The following RANBP2 variants were observed in gnomAD, a reference collection of about 807,000 sequenced individuals.
The protein encoded by RANBP2 is E3 SUMO-protein ligase RanBP2.
Under a neutral mutation model 303.6 loss-of-function variants are expected in RANBP2, and 57 were observed. The ratio of observed to expected loss-of-function variants is 0.19; its 90% CI spans 0.15 to 0.23. The LOEUF (loss-of-function observed/expected upper bound fraction) is 0.23. Among genes scored for constraint, RANBP2 ranks in the 10% least tolerant of loss-of-function variants. The probability of loss-of-function intolerance (pLI) is 1.00; values close to 1 mark genes in which losing one functional copy is unlikely to be tolerated. For missense variants in RANBP2, 3,138 were observed against 3,780.8 expected, an observed-to-expected ratio of 0.83 and a Z score of 4.46; for synonymous variants, 1,167 against 1,301.5, an observed-to-expected ratio of 0.90 and a Z score of 2.23.
the RANBP2 span, among the ~76,000 whole-genome samples, chr2:109,429,529 C>A: frequency 6.6e-6 from 1 of 152,150 alleles, no homozygotes; most frequent in South Asian, 2.1e-4. Flanking sequence ...ACGCGTTGGC[C>A]ACACCGGGCC....
the RANBP2 span, among the ~76,000 whole-genome samples, chr2:108,960,517 A>C: frequency 6.6e-6 from 1 of 152,304 alleles, no homozygotes; most frequent in African/African-American, 2.4e-5. Context: ...GGCAGGGTGC[A>C]CACCTGTCTC....
chr2:109,198,474 G>A, the RANBP2 span, among the ~76,000 whole-genome samples: 1 of 152,212 alleles, frequency 6.6e-6, no homozygotes, highest in Non-Finnish European at 1.5e-5. Flanking sequence ...ATAGCTGTCT[G>A]AGTTTCTCAG....
the RANBP2 span, among the ~76,000 whole-genome samples, chr2:108,952,172 G>A: frequency 6.6e-6 from 1 of 152,200 alleles, no homozygotes; most frequent in Non-Finnish European, 1.5e-5. Flanking sequence ...CTGAAAGAGG[G>A]GAGAGAATTT....
the RANBP2 span, among the ~76,000 whole-genome samples, chr2:109,580,112 G>C: frequency 6.6e-6 from 1 of 151,692 alleles, no homozygotes; most frequent in African/African-American, 2.4e-5. Flanking sequence ...CAAGAGTGAA[G>C]TTCCATCTTA....
chr2:109,346,240 G>A, the RANBP2 span, among the ~76,000 whole-genome samples: 1 of 152,068 alleles, frequency 6.6e-6, no homozygotes, highest in Non-Finnish European at 1.5e-5. Context: ...CTGTTTAATT[G>A]GTTAGTGGTG....
chr2:109,282,629 G>A, the RANBP2 span, among the ~76,000 whole-genome samples: 1,956 of 152,332 alleles, frequency 0.013, 23 homozygotes, highest in Middle Eastern at 0.034. Context: ...TCTCGCCTCC[G>A]TGGTGGGAGA....
In RANBP2 at chr2:108,782,788, C is replaced by T. The variant is rs1337047814; in HGVS notation, c.9295C>T (p.Leu3099=). ...VPRTAENFRA[L]CTGEKGFGFK... is the part of the protein sequence containing the mutation. Reference sequence around the variant, plus strand: ...TCGGACTGCTGAGAACTTCAGAGCACTATGCACTGGAGAGAAAGGCTTTGG... The same window carrying T: ...TCGGACTGCTGAGAACTTCAGAGCATTATGCACTGGAGAGAAAGGCTTTGG... Residue 3099 remains leucine (L), a synonymous_variant, in exon 28 of 29, where the codon CTA becomes TTA. Coordinates refer to ENST00000283195, the MANE Select transcript of RANBP2 (RefSeq NM_006267.5). The T allele has an allele frequency of 6.2e-7, 1 of 1,614,152 alleles. No individual in the cohort carries two copies. Among genetic ancestry groups the T allele is most frequent in the South Asian group, 1.1e-5 (1 of 91,088 alleles).
chr2:109,080,153 C>T, the RANBP2 span, among the ~76,000 whole-genome samples: 38 of 152,210 alleles, frequency 2.5e-4, no homozygotes, highest in African/African-American at 9.2e-4. Flanking sequence ...CTTGGCAAAA[C>T]GCAGCAAGAT....
the RANBP2 span, among the ~76,000 whole-genome samples, chr2:109,249,964 G>A: frequency 4.0e-3 from 602 of 151,956 alleles, 6 homozygotes; most frequent in South Asian, 0.03. Context: ...GATTACAGGC[G>A]TGAGCCACCG....
At chr2:109,057,482 G>A in the RANBP2 span, among the ~76,000 whole-genome samples, 12 of 152,310 alleles carry the variant, frequency 7.9e-5, no homozygotes, top group South Asian at 4.1e-4. Context: ...TGAGAGCAGC[G>A]AGCAGATTGC....
the RANBP2 span, among the ~76,000 whole-genome samples, chr2:108,982,001 T>A: frequency 5.9e-5 from 9 of 152,232 alleles, no homozygotes; most frequent in Admixed American, 3.9e-4. Flanking sequence ...GACGGATGCT[T>A]CCCGTCCTCA....
the RANBP2 span, among the ~76,000 whole-genome samples, chr2:109,491,958 T>C: frequency 6.6e-6 from 1 of 152,178 alleles, no homozygotes; most frequent in African/African-American, 2.4e-5. Context: ...TCTATCTAGA[T>C]CAGAGGTCTA....
chr2:109,011,450 T>C, the RANBP2 span, among the ~76,000 whole-genome samples: 1 of 152,226 alleles, frequency 6.6e-6, no homozygotes, highest in Non-Finnish European at 1.5e-5. Flanking sequence ...TAATCTGTTT[T>C]CTGTTTGTTC....
chr2:108,811,243 C>T, the RANBP2 span, among the ~76,000 whole-genome samples: 17 of 28,724 alleles, frequency 5.9e-4, no homozygotes, highest in East Asian at 0.021. Context: ...TTCTTTCTCT[C>T]TCTCTTTTTT....
At chr2:109,105,568 T>C in the RANBP2 span, among the ~76,000 whole-genome samples, 1 of 152,236 alleles carries the variant, frequency 6.6e-6, no homozygotes, top group Non-Finnish European at 1.5e-5. Context: ...TTTCCTTTTC[T>C]TTTTAAGATG....
the RANBP2 span, among the ~76,000 whole-genome samples, chr2:109,699,019 G>C: frequency 6.6e-6 from 1 of 152,234 alleles, no homozygotes; most frequent in Admixed American, 6.5e-5. Context: ...TTGAGTGGGT[G>C]TAAGGCGGCC....
the RANBP2 span, among the ~76,000 whole-genome samples, chr2:109,008,236 C>T: frequency 2.0e-4 from 30 of 152,112 alleles, 1 homozygote; most frequent in East Asian, 1.9e-4. Context: ...AGAGTAAGCT[C>T]CTTGAGGTCA....
At chr2:108,918,371 C>T in the RANBP2 span, among the ~76,000 whole-genome samples, 1 of 152,212 alleles carries the variant, frequency 6.6e-6, no homozygotes, top group African/African-American at 2.4e-5. Flanking sequence ...CTGTGTGTTT[C>T]GGTTCATCTG....
At chr2:109,291,044 G>C in the RANBP2 span, among the ~76,000 whole-genome samples, 3 of 152,162 alleles carry the variant, frequency 2.0e-5, no homozygotes, top group Non-Finnish European at 4.4e-5. Context: ...TCATGTGCTG[G>C]GGTAATGCTT....
Sources: gnomAD v4.1 joint callset for allele counts (sites outside exome capture counted in the v4.1 genomes callset) on GRCh38, gnomAD v4.1.1 for gene constraint, MANE v1.5 for transcripts, NCBI Gene and HGNC (gene_info 2026-07-23, HGNC 2026-07-21) for gene names.